The following XRN2 variants were observed in gnomAD, a reference collection of about 807,000 sequenced individuals.
XRN2 encodes 5'-3' exoribonuclease 2, also known as DHM1-like protein.
XRN2 carries 44 observed loss-of-function variants against 138.5 expected under a neutral mutation model. The observed-to-expected ratio is 0.32, with a 90% CI of 0.25 to 0.41. The LOEUF (loss-of-function observed/expected upper bound fraction) is 0.41. Ranked by LOEUF, XRN2 falls within the 10% of genes least tolerant of loss-of-function variation. The pLI is 1.00. For synonymous variants in XRN2, 354 were observed against 369.4 expected, an observed-to-expected ratio of 0.96 and a Z score of 0.48; for missense variants, 937 against 1,169.3, an observed-to-expected ratio of 0.80 and a Z score of 2.90.
intron 1 of XRN2, among the ~76,000 whole-genome samples, chr20:21,325,711 T>C (rs190686924): frequency 2.8e-4 from 42 of 152,324 alleles, no homozygotes; most frequent in African/African-American, 1.0e-3. Context: ...TCCAGGCTCA[T>C]TGATAAACAC....
intron 21 of XRN2, 79 bp from the exon 22 acceptor site, chr20:21,356,001 C>T (rs1452823503): frequency 8.4e-6 from 8 of 957,950 alleles, no homozygotes; most frequent in African/African-American, 5.0e-5. Flanking sequence ...GATGCTTTCC[C>T]TTGTTTTATG....
At chr20:21,367,518 C>CT (rs560407810) in intron 26 of XRN2, among the ~76,000 whole-genome samples, 3,042 of 144,404 alleles carry the variant, frequency 0.021, 52 homozygotes, top group Non-Finnish European at 0.029. Context: ...ATTCAGATAC[C>CT]TTTTTTTTTT....
intron 29 of XRN2, among the ~76,000 whole-genome samples, chr20:21,389,072 C>T (rs570045275): frequency 6.6e-5 from 10 of 152,288 alleles, no homozygotes; most frequent in African/African-American, 2.4e-4. Flanking sequence ...TCAGTAATAG[C>T]ATTTGTGCTA....
At position 21,348,362 on chromosome 20, in the gene XRN2, A is replaced by T; in HGVS notation, c.1795A>T (p.Met599Leu). Residue 599 changes from methionine (M) to leucine (L), a missense_variant, in exon 19 of 30, where the codon ATG (methionine) becomes TTG (leucine). By Grantham distance (15) the Met-to-Leu change is conservative. This residue lies in a region of XRN2 where 5 missense variants were observed against 21.7 expected (regional missense o/e 0.23). Coordinates refer to ENST00000377191, the MANE Select transcript of XRN2 (RefSeq NM_012255.5). ...TCAGTTTAAACCACTAGAACAACTT[A>T]TGGGGGTATTTCCAGCTGCAAGTGG... is the stretch of plus-strand genomic sequence containing the variant. ...TKPFKPLEQL[M>L]GVFPAASGNF... 1 of 1,614,116 alleles carries T rather than the reference A, an allele frequency of 6.2e-7. No homozygotes were observed. The highest frequency in any genetic ancestry group is 1.1e-5 in the South Asian group (1 of 91,082).
chr20:21,348,452 G>T (rs2038466104), intron 19 of XRN2, 22 bp downstream of exon 19: 11 of 1,598,268 alleles, frequency 6.9e-6, no homozygotes, highest in Middle Eastern at 1.7e-4. Context: ...TATTTTGAGT[G>T]TGTGGGTGAC....
chr20:21,332,503 A>G (rs2038227181), intron 9 of XRN2, 63 bp downstream of exon 9: 3 of 1,435,498 alleles, frequency 2.1e-6, no homozygotes, highest in South Asian at 1.4e-5. Context: ...TAAAATGTAT[A>G]TGACATAAAA....
At chr20:21,312,625 T>G (rs2122166432) in intron 1 of XRN2, among the ~76,000 whole-genome samples, 1 of 114,576 alleles carries the variant, frequency 8.7e-6, no homozygotes, top group East Asian at 2.5e-4. Flanking sequence ...TTTTTTTTTT[T>G]TGAAGACAGA....
Position 21,326,539 on chromosome 20 carries a change from A to G in XRN2, c.253A>G (p.Ile85Val), listed in dbSNP as rs1300839028. The G allele has an allele frequency of 6.2e-7, 1 of 1,614,124 alleles. No individual in the cohort carries two copies. The highest frequency in any genetic ancestry group is 8.5e-7 in the Non-Finnish European group (1 of 1,179,996). ...AATGATGGTTGCAATTTTTGAGTAC[A>G]TTGACAGACTTTTCAGTATTGTAAG... Reference protein sequence around the residue: ...DEMMVAIFEYIDRLFSIVRPR... With the variant: ...DEMMVAIFEYVDRLFSIVRPR... Residue 85 changes from isoleucine (I) to valine (V), a missense_variant, in exon 3 of 30, where the codon ATT becomes GTT. Coordinates refer to ENST00000377191, the MANE Select transcript of XRN2 (RefSeq NM_012255.5).
At chr20:21,309,303 T>C (rs1229535546) in intron 1 of XRN2, among the ~76,000 whole-genome samples, 4 of 152,230 alleles carry the variant, frequency 2.6e-5, no homozygotes, top group Non-Finnish European at 5.9e-5. Flanking sequence ...TGGGAAGGCT[T>C]TAAGCTGCAA....
intron 27 of XRN2, among the ~76,000 whole-genome samples, chr20:21,380,719 T>G (rs1322896321): frequency 6.6e-6 from 1 of 152,240 alleles, no homozygotes; most frequent in African/African-American, 2.4e-5. Context: ...TGACAGCTGG[T>G]GAAGGGCTTC....
intron 1 of XRN2, among the ~76,000 whole-genome samples, chr20:21,321,643 C>CT (rs1339181418): frequency 2.6e-5 from 4 of 151,998 alleles, no homozygotes; most frequent in East Asian, 3.9e-4. Flanking sequence ...TTGAGAACAG[C>CT]TTTTTTTTGT....
chr20:21,353,108 CTTA>C (rs1344066052), intron 20 of XRN2, among the ~76,000 whole-genome samples: 2 of 146,918 alleles, frequency 1.4e-5, no homozygotes, highest in African/African-American at 5.0e-5. Flanking sequence ...GTAGAAAAGT[CTTA>C]TTTTATATAT....
At chr20:21,310,119 G>C (rs2037860014) in intron 1 of XRN2, among the ~76,000 whole-genome samples, 1 of 152,136 alleles carries the variant, frequency 6.6e-6, no homozygotes, top group East Asian at 1.9e-4. Context: ...TGTTTAAACA[G>C]TGTGCCACAA....
At chr20:21,350,549 A>AAG (rs2038496301) in intron 20 of XRN2, among the ~76,000 whole-genome samples, 3 of 150,836 alleles carry the variant, frequency 2.0e-5, no homozygotes, top group Non-Finnish European at 3.0e-5. Flanking sequence ...AAAAAAAAAA[A>AAG]AAAAGAAATA....
In XRN2 at chr20:21,357,474, A is replaced by T. The variant is rs1036144577; in HGVS notation, c.2199-262A>T. On this transcript the variant is annotated intron_variant, in intron 23 of 29. Coordinates refer to ENST00000377191, the MANE Select transcript of XRN2 (RefSeq NM_012255.5). The stretch of plus-strand genomic sequence containing the variant: ...GCTTTAATTTCTGTCAGTCTGGTGG[A>T]TGCTCATTGACATCTTGTGGTTTAT... Among the ~76,000 whole-genome samples, 14 of 152,284 alleles carry T rather than the reference A, an allele frequency of 9.2e-5. 1 individual carries two copies. The highest frequency in any genetic ancestry group is 3.4e-3 in the Middle Eastern group (1 of 294).
intron 1 of XRN2, among the ~76,000 whole-genome samples, chr20:21,321,301 CTGTGTGTGTGTGTG>C (rs61188840): frequency 2.9e-3 from 348 of 121,512 alleles, no homozygotes; most frequent in African/African-American, 8.3e-3. Flanking sequence ...CTGTGCCTGG[CTGTGTGTGTGTGTG>C]TGTGTGTGTG....
intron 20 of XRN2, 110 bp from the exon 21 acceptor site, chr20:21,354,677 GTT>G: frequency 1.0e-6 from 1 of 954,314 alleles, no homozygotes; most frequent in Non-Finnish European, 1.6e-6. Flanking sequence ...GTTCCAAAAT[GTT>G]TTTGTATCAG....
In XRN2 at chr20:21,317,812, T is replaced by C. The variant is rs117234092; in HGVS notation, c.76-8467T>C. ...TATTTTTGATCCATGATTGATCTATTCCACAGATGTAGAATTGACAGATAC... is the reference window on the plus strand; with the variant it reads ...TATTTTTGATCCATGATTGATCTATCCCACAGATGTAGAATTGACAGATAC... On this transcript the variant is annotated intron_variant, in intron 1 of 29. Transcript: ENST00000377191. 7.6e-3 allele frequency among the ~76,000 whole-genome samples: 1,153 copies of C among 152,346 alleles called. 10 individuals are homozygous for C. The highest frequency in any genetic ancestry group is 0.027 in the South Asian group (128 of 4,824).
chr20:21,371,333 C>G (rs2038758794), intron 27 of XRN2, among the ~76,000 whole-genome samples: 1 of 152,204 alleles, frequency 6.6e-6, no homozygotes, highest in Non-Finnish European at 1.5e-5. Flanking sequence ...GTTCCTCTCT[C>G]TGGCAGTGTA....
Sources: gnomAD v4.1 joint callset for allele counts (sites outside exome capture counted in the v4.1 genomes callset) on GRCh38, gnomAD v4.1.1 for gene constraint, gnomAD v4.1.1 regional missense constraint, MANE v1.5 for transcripts, NCBI Gene and HGNC (gene_info 2026-07-23, HGNC 2026-07-21) for gene names.